BEAN1: variants seen among roughly 807,000 people sequenced by gnomAD.
The protein encoded by BEAN1 is protein BEAN1.
Under a neutral mutation model 17.7 loss-of-function variants are expected in BEAN1, and 17 were observed. The ratio of observed to expected loss-of-function variants is 0.96; its 90% CI spans 0.66 to 1.44. The LOEUF is 1.44. Ranked by LOEUF, BEAN1 falls within the 40% of genes most tolerant of loss-of-function variation. BEAN1 has a pLI of 0.00. For missense variants in BEAN1, 359 were observed against 374.1 expected, an observed-to-expected ratio of 0.96 and a Z score of 0.33; for synonymous variants, 142 against 151.8, an observed-to-expected ratio of 0.94 and a Z score of 0.47.
At chr16:66,477,744 G>A (rs1963813645) in intron 4 of BEAN1, 34 bp downstream of exon 4, 1 of 1,509,510 alleles carries the variant, frequency 6.6e-7, no homozygotes, top group African/African-American at 1.4e-5. Context: ...GGGCATCAGA[G>A]GATGGGGCCC....
chr16:66,465,355 T>C (rs142538580), intron 2 of BEAN1, among the ~76,000 whole-genome samples: 117 of 152,350 alleles, frequency 7.7e-4, no homozygotes, highest in African/African-American at 2.7e-3. Flanking sequence ...TAATTTTCTT[T>C]TCTTGTAATG....
At chr16:66,469,937 G>C (rs1190027692) in intron 3 of BEAN1, 72 bp downstream of exon 3, 3 of 1,492,920 alleles carry the variant, frequency 2.0e-6, no homozygotes. Context: ...GCATCAAGGA[G>C]TTGGCAACTC....
At chr16:66,452,584 T>G (rs531481737) in intron 2 of BEAN1, among the ~76,000 whole-genome samples, 231 of 152,310 alleles carry the variant, frequency 1.5e-3, no homozygotes, top group African/African-American at 5.3e-3. Context: ...GGCACCAGAA[T>G]CCCTCATGGG....
At chr16:66,462,755 C>T (rs148320219) in intron 2 of BEAN1, among the ~76,000 whole-genome samples, 2,010 of 151,834 alleles carry the variant, frequency 0.013, 27 homozygotes, top group African/African-American at 0.026. Flanking sequence ...GAGCTGAGAT[C>T]GCGCCATTGC....
chr16:66,453,212 C>T (rs527272718), intron 2 of BEAN1, among the ~76,000 whole-genome samples: 48 of 152,062 alleles, frequency 3.2e-4, no homozygotes, highest in African/African-American at 1.0e-3. Context: ...GTTTTCAAGT[C>T]GAGGCCTTTC....
chr16:66,489,727 G>A (rs1445442700), intron 4 of BEAN1, among the ~76,000 whole-genome samples: 1 of 152,184 alleles, frequency 6.6e-6, no homozygotes, highest in Non-Finnish European at 1.5e-5. Flanking sequence ...CAGAGACAGG[G>A]CTGTCTGCAC....
Position 66,481,498 on chromosome 16 carries a change from C to T in BEAN1, c.*573C>T. The T allele has an allele frequency of 2.8e-6, 1 of 362,810 alleles. No individual in the cohort carries two copies. The allele number at this position is 362,810 out of a possible 1,614,324, so 22.5% of individuals were successfully genotyped here. A position where few individuals can be genotyped will look rare whatever the true frequency, so the allele number is the denominator to read the frequency against. ...TCTCGATTCCAGGGCAGATGAGCCA[C>T]AACATCACCACCCTGCCACTTACAA... On this transcript the variant is annotated 3_prime_UTR_variant, in exon 5 of 5. Coordinates refer to ENST00000536005, the MANE Select transcript of BEAN1 (RefSeq NM_001178020.3). This position sits in a 1 kb window ranked among gnomAD's most constrained non-coding sequence, Gnocchi z 4.1.
intron 2 of BEAN1, 70 bp from the exon 3 acceptor site, chr16:66,469,532 G>C: frequency 6.9e-7 from 1 of 1,440,666 alleles, no homozygotes; most frequent in Non-Finnish European, 9.3e-7. Context: ...TCACAGGGCA[G>C]CACGGGCAGA....
At chr16:66,455,929 C>T (rs938269035) in intron 2 of BEAN1, among the ~76,000 whole-genome samples, 6 of 152,180 alleles carry the variant, frequency 3.9e-5, no homozygotes, top group Admixed American at 2.6e-4. Flanking sequence ...TCAAGCAATC[C>T]GCCCACCTCA....
rs1963560609 is a variant in BEAN1, at chr16:66,473,385, C to T, written c.289+3520C>T. Among the ~76,000 whole-genome samples, 1 of 152,208 alleles carries T rather than the reference C, an allele frequency of 6.6e-6. No homozygotes were observed. The stretch of plus-strand genomic sequence containing the variant: ...GCCCCACTTCTGCACTCGGCTACAG[C>T]TTTGACACCTCCTGGGGCCTCGGCA... On this transcript the variant is annotated intron_variant, in intron 3 of 4. Transcript: ENST00000536005. This position sits in a 1 kb window ranked among gnomAD's most constrained non-coding sequence, Gnocchi z 4.5.
rs1267954399 is a variant in BEAN1 at position 66,471,654 on chromosome 16, G to A, written c.289+1789G>A. Among the ~76,000 whole-genome samples the A allele has an allele frequency of 1.3e-5, 2 of 152,248 alleles. No individual in the cohort carries two copies. The highest frequency in any genetic ancestry group is 1.3e-4 in the Admixed American group (2 of 15,286). The stretch of plus-strand genomic sequence containing the variant: ...ATGAGTCGGACAAGTGGCCACAGTT[G>A]AGGAAAGACACAGCAGGCTAGTGGA... On this transcript the variant is annotated intron_variant, in intron 3 of 4. Transcript: ENST00000536005. This position sits in a 1 kb window ranked among gnomAD's most constrained non-coding sequence, Gnocchi z 4.7.
intron 3 of BEAN1, among the ~76,000 whole-genome samples, chr16:66,470,701 C>T (rs1963451635): frequency 6.6e-6 from 1 of 152,200 alleles, no homozygotes; most frequent in Middle Eastern, 3.2e-3. Flanking sequence ...TCTTGGGTGA[C>T]CAGTCCCAAA....
chr16:66,477,790 G>C, intron 4 of BEAN1, 80 bp downstream of exon 4: 2 of 1,375,422 alleles, frequency 1.5e-6, no homozygotes, highest in South Asian at 1.5e-5. Flanking sequence ...TCATGGGAAA[G>C]AGTGGCACCT....
intron 1 of BEAN1, among the ~76,000 whole-genome samples, chr16:66,436,201 C>G (rs1962007842): frequency 6.6e-6 from 1 of 152,032 alleles, no homozygotes; most frequent in African/African-American, 2.4e-5. Flanking sequence ...CCTCATGTCC[C>G]TTGGGAGACA....
chr16:66,436,697 TC>T (rs571718986), intron 1 of BEAN1, among the ~76,000 whole-genome samples: 1 of 151,730 alleles, frequency 6.6e-6, no homozygotes, highest in African/African-American at 2.4e-5. Flanking sequence ...CATCACAGCC[TC>T]CCGAAATACT....
In BEAN1 at chr16:66,469,858, C is replaced by T. The variant is rs760169707; in HGVS notation, c.282C>T (p.His94=). The change falls in exon 3 of 5, where the codon CAC becomes CAT. Residue 94 remains histidine (H), a synonymous_variant. Transcript: ENST00000536005. ...GGCGTCGACACCGAGAGTACGAGCACGGCTACGGTGAGCCGCCGCCCACCC... is the reference window on the plus strand; with the variant it reads ...GGCGTCGACACCGAGAGTACGAGCATGGCTACGGTGAGCCGCCGCCCACCC... ...HRRRRHREYE[H]GYVSDEHTYS... 2.2e-5 allele frequency: 34 copies of T among 1,533,800 alleles called. No homozygotes were observed. The highest frequency in any genetic ancestry group is 1.2e-4 in the South Asian group (10 of 83,908).
chr16:66,452,436 T>C (rs1962705474), intron 2 of BEAN1, among the ~76,000 whole-genome samples: 1 of 152,234 alleles, frequency 6.6e-6, no homozygotes, highest in South Asian at 2.1e-4. Context: ...CACAGGGCCA[T>C]GCCTTTTGTA....
chr16:66,460,497 C>T (rs957619105), intron 2 of BEAN1, among the ~76,000 whole-genome samples: 2 of 152,198 alleles, frequency 1.3e-5, no homozygotes, highest in Admixed American at 1.3e-4. Flanking sequence ...AACAGGAGGT[C>T]CTCGCACATC....
chr16:66,441,108 A>T (rs1962238854), intron 2 of BEAN1, among the ~76,000 whole-genome samples: 1 of 152,236 alleles, frequency 6.6e-6, no homozygotes, highest in Non-Finnish European at 1.5e-5. Flanking sequence ...ACATCCAGAA[A>T]GCAGGGGCCA....
Sources: gnomAD v4.1 joint callset for allele counts (sites outside exome capture counted in the v4.1 genomes callset) on GRCh38, gnomAD v4.1.1 for gene constraint, Gnocchi (gnomAD v3.1) non-coding constraint, MANE v1.5 for transcripts, NCBI Gene and HGNC (gene_info 2026-07-23, HGNC 2026-07-21) for gene names.